TPH1: variants seen among roughly 807,000 people sequenced by gnomAD.
TPH1 encodes tryptophan hydroxylase 1.
A neutral mutation model predicts 49.5 loss-of-function variants in TPH1; 37 were observed. That is an observed-to-expected ratio of 0.75 (90% CI 0.58 to 0.98). TPH1 has a LOEUF of 0.98. Among genes scored for constraint, TPH1 ranks in the 50% least tolerant of loss-of-function variants. The pLI is 0.00. For synonymous variants in TPH1, 160 were observed against 182.1 expected, an observed-to-expected ratio of 0.88 and a Z score of 0.98; for missense variants, 487 against 523.6, an observed-to-expected ratio of 0.93 and a Z score of 0.68.
chr11:18,039,661 G>A (rs971098280), intron 2 of TPH1, among the ~76,000 whole-genome samples: 43 of 152,072 alleles, frequency 2.8e-4, no homozygotes, highest in African/African-American at 8.2e-4. Flanking sequence ...TTCACTTACT[G>A]CAGTTGTTTG....
intron 6 of TPH1, among the ~76,000 whole-genome samples, chr11:18,027,539 G>A (rs1239229753): frequency 6.6e-6 from 1 of 152,110 alleles, no homozygotes; most frequent in Non-Finnish European, 1.5e-5. Context: ...ATATTTAATA[G>A]TGCAGATATC....
chr11:18,035,882 T>A, intron 3 of TPH1, 77 bp downstream of exon 3: 1 of 1,223,742 alleles, frequency 8.2e-7, no homozygotes, highest in East Asian at 2.3e-5. Context: ...TATTTTAATG[T>A]CTTCAAGATA....
intron 8 of TPH1, among the ~76,000 whole-genome samples, chr11:18,024,431 T>C (rs539750438): frequency 1.3e-5 from 2 of 152,296 alleles, no homozygotes; most frequent in African/African-American, 4.8e-5. Flanking sequence ...AGAAGACAGA[T>C]GGAGTCTCGT....
chr11:18,022,547 A>T (rs185662135), intron 10 of TPH1, among the ~76,000 whole-genome samples: 2 of 152,302 alleles, frequency 1.3e-5, no homozygotes, highest in Admixed American at 1.3e-4. Context: ...TCCCTATTAG[A>T]CTACTAAACT....
At chr11:18,023,650 TGCCCTTATA>T (rs1310239620) in intron 9 of TPH1, among the ~76,000 whole-genome samples, 1 of 152,002 alleles carries the variant, frequency 6.6e-6, no homozygotes, top group Non-Finnish European at 1.5e-5. Context: ...TCCCCATAAA[TGCCCTTATA>T]AAATTCTTAT....
In TPH1 at chr11:18,035,960, A is replaced by G. The variant is rs750970793; in HGVS notation, c.300T>C (p.Asp100=). The change falls in exon 3 of 11, where the codon GAT becomes GAC. Residue 100 remains aspartate, a splice_region_variant and synonymous_variant. Coordinates refer to ENST00000682019, the MANE Select transcript of TPH1 (RefSeq NM_004179.3). ...AGTATTTTCACATTTTGAACTTACCATCTTCCTTCAAAGTAAAATTATCTG... is the reference window on the plus strand; with the variant it reads ...AGTATTTTCACATTTTGAACTTACCGTCTTCCTTCAAAGTAAAATTATCTG... ...NLPDNFTLKE[D]GMETVPWFPK... 1.1e-5 allele frequency: 17 copies of G among 1,610,448 alleles called. No homozygotes were observed. Among genetic ancestry groups the G allele is most frequent in the Non-Finnish European group, 1.4e-5 (16 of 1,178,854 alleles).
In TPH1 at chr11:18,036,018, T is replaced by C. The variant is rs909298753; in HGVS notation, c.242A>G (p.Lys81Arg). ...EQLNDIFHLL[K>R]SHTNVLSVNL... ...CACAGAGAGAACATTGGTATGAGAC[T>C]TCAGCAGATGAAAAATATCATTCAA... Residue 81 changes from lysine (K) to arginine (R), a missense_variant, in exon 3 of 11, where the codon AAG (lysine) becomes AGG (arginine). Lys to Arg is a conservative substitution (Grantham distance 26). Coordinates refer to ENST00000682019, the MANE Select transcript of TPH1 (RefSeq NM_004179.3). 2.5e-6 allele frequency: 4 copies of C among 1,612,810 alleles called. No individual in the cohort carries two copies. Among genetic ancestry groups the C allele is most frequent in the Non-Finnish European group, 3.4e-6 (4 of 1,179,872 alleles).
Position 18,020,475 on chromosome 11 carries a change from A to G in TPH1, c.*516T>C, listed in dbSNP as rs1178848063. ...CTATACTTTTGCTCATGCTAGCAAC[A>G]AAGACAGCAGGGTCTCCTGTTAAAT... is the stretch of plus-strand genomic sequence containing the variant. On this transcript the variant is annotated 3_prime_UTR_variant, in exon 11 of 11. Transcript: ENST00000682019. The G allele has an allele frequency of 6.2e-6, 1 of 162,162 alleles. No homozygotes were observed. The highest frequency in any genetic ancestry group is 1.4e-5 in the Non-Finnish European group (1 of 73,744). The allele number at this position is 162,162 out of a possible 1,614,324, so 10.0% of individuals were successfully genotyped here.
chr11:18,031,173 T>C (rs2134029631), intron 4 of TPH1, among the ~76,000 whole-genome samples: 1 of 152,348 alleles, frequency 6.6e-6, no homozygotes, highest in East Asian at 1.9e-4. Flanking sequence ...TCTATTTCTA[T>C]GTATTTTTCT....
At chr11:18,037,615 T>C (rs1686334881) in intron 2 of TPH1, among the ~76,000 whole-genome samples, 1 of 152,038 alleles carries the variant, frequency 6.6e-6, no homozygotes, top group Non-Finnish European at 1.5e-5. Flanking sequence ...TGAATAAATA[T>C]AAAGCTAAAC....
intron 1 of TPH1, among the ~76,000 whole-genome samples, chr11:18,043,378 G>C (rs548109667): frequency 1.3e-5 from 2 of 152,298 alleles, no homozygotes; most frequent in Non-Finnish European, 2.9e-5. Flanking sequence ...GCCAAAGTGG[G>C]TGGATCACTT....
rs1259695804 is a variant in TPH1 at position 18,018,414 on chromosome 11, C to T, written c.*2577G>A. 3 of 151,944 alleles carry T rather than the reference C, an allele frequency of 2.0e-5. No homozygotes were observed. Among genetic ancestry groups the T allele is most frequent in the African/African-American group, 4.8e-5 (2 of 41,350 alleles). 9.4% of individuals were successfully genotyped at this position (151,944 alleles called of 1,614,324 possible). The stretch of plus-strand genomic sequence containing the variant: ...GGGTGCAGTGGCTCACGCCTGTAAT[C>T]CCAGCACTTTGGGAGGCCGAGGTGG... On this transcript the variant is annotated 3_prime_UTR_variant, in exon 11 of 11. Coordinates refer to ENST00000682019, the MANE Select transcript of TPH1 (RefSeq NM_004179.3).
chr11:18,030,389 C>G (rs1291725035), intron 4 of TPH1, among the ~76,000 whole-genome samples: 1 of 151,214 alleles, frequency 6.6e-6, no homozygotes, highest in Non-Finnish European at 1.5e-5. Flanking sequence ...GCTGCTGCAT[C>G]CCAGCCTAGG....
At position 18,019,836 on chromosome 11, in the gene TPH1, A is replaced by T; in HGVS notation, c.*1155T>A. ...CAGGACTGCTTACTCCCTGTGCTAC[A>T]CAGCTGACTCTGCATAAAAACCATT... On this transcript the variant is annotated 3_prime_UTR_variant, in exon 11 of 11. Coordinates refer to ENST00000682019, the MANE Select transcript of TPH1 (RefSeq NM_004179.3). 1 of 432,764 alleles carries T rather than the reference A, an allele frequency of 2.3e-6. No individual in the cohort carries two copies. The highest frequency in any genetic ancestry group is 4.6e-6 in the Non-Finnish European group (1 of 215,918). 26.8% of individuals were successfully genotyped at this position (432,764 alleles called of 1,614,324 possible). A position where few individuals can be genotyped will look rare whatever the true frequency, so the allele number is the denominator to read the frequency against.
At chr11:18,026,694 C>G in intron 6 of TPH1, 69 bp from the exon 7 acceptor site, 1 of 1,590,114 alleles carries the variant, frequency 6.3e-7, no homozygotes, top group Non-Finnish European at 8.6e-7. Flanking sequence ...CATTTTAGTT[C>G]TGCTAGTGGC....
At position 18,029,672 on chromosome 11, in the gene TPH1, T is replaced by C; in HGVS notation, c.403-93A>G. 4 of 986,600 alleles carry C rather than the reference T, an allele frequency of 4.1e-6. No homozygotes were observed. In the South Asian group the frequency reaches 4.1e-5, roughly 10 times the overall value. The allele number at this position is 986,600 out of a possible 1,614,324, so 61.1% of individuals were successfully genotyped here. A position where few individuals can be genotyped will look rare whatever the true frequency, so the allele number is the denominator to read the frequency against. On this transcript the variant is annotated intron_variant, in intron 4 of 10. Transcript: ENST00000682019. ...CATTTCATTATTACTAGAGCTATTA[T>C]ATTAAAGGGCTACATAATTGATACT...
chr11:18,032,995 G>A lies in TPH1; in HGVS notation c.402+279C>T, dbSNP rs189416118. On this transcript the variant is annotated intron_variant, in intron 4 of 10. Transcript: ENST00000682019. ...ACTTACTGGGTGATAGTTTATGCCT[G>A]TTATCCCAGCACTTTGGGAGACCAA... 2.1e-3 allele frequency among the ~76,000 whole-genome samples: 317 copies of A among 152,126 alleles called. 1 individual carries two copies. The highest frequency in any genetic ancestry group is 7.3e-3 in the African/African-American group (301 of 41,404).
At chr11:18,042,183 G>C (rs1848103986) in intron 1 of TPH1, among the ~76,000 whole-genome samples, 2 of 152,152 alleles carry the variant, frequency 1.3e-5, no homozygotes, top group African/African-American at 4.8e-5. Flanking sequence ...TTATGGATGA[G>C]AAGCAGGAGA....
intron 4 of TPH1, among the ~76,000 whole-genome samples, chr11:18,031,403 T>C (rs971505760): frequency 2.6e-5 from 4 of 152,214 alleles, no homozygotes; most frequent in African/African-American, 7.2e-5. Flanking sequence ...TTTGCTATTA[T>C]GAATAAGGCT....
Sources: allele counts gnomAD v4.1 joint callset (sites outside exome capture counted in the v4.1 genomes callset), GRCh38; gene constraint gnomAD v4.1.1; transcripts MANE v1.5; gene names NCBI Gene and HGNC (gene_info 2026-07-23, HGNC 2026-07-21).